Variants in SMARCC2 observed in about 807,000 individuals in gnomAD.
SMARCC2 encodes SWI/SNF related BAF chromatin remodeling complex subunit C2, also known as SWI/SNF complex subunit SMARCC2.
A neutral mutation model predicts 151.3 loss-of-function variants in SMARCC2; 15 were observed. The ratio of observed to expected loss-of-function variants is 0.10; its 90% CI spans 0.07 to 0.15. SMARCC2 has a LOEUF of 0.15. SMARCC2 is among the 10% of genes least tolerant of loss of function. The pLI is 1.00. For missense variants in SMARCC2, 1,031 were observed against 1,599.7 expected (o/e 0.64, Z 6.06); for synonymous variants, 590 against 609.5 (o/e 0.97, Z 0.47).
Position 56,178,854 on chromosome 12 carries a change from G to A in SMARCC2, c.1142-7C>T, listed in dbSNP as rs777572932. ...CTTTCATCTTCCTGTTCATCTGAAAGAGAAAAACCAAGATGTAAGGCTGGA... is the reference window on the plus strand; with the variant it reads ...CTTTCATCTTCCTGTTCATCTGAAAAAGAAAAACCAAGATGTAAGGCTGGA... On this transcript the variant is annotated splice_polypyrimidine_tract_variant and splice_region_variant and intron_variant, in intron 12 of 28. Coordinates refer to ENST00000550164, the MANE Select transcript of SMARCC2 (RefSeq NM_001330288.2). 6.2e-7 allele frequency: 1 copy of A among 1,614,016 alleles called. No homozygotes were observed. Among genetic ancestry groups the A allele is most frequent in the Non-Finnish European group, 8.5e-7 (1 of 1,179,972 alleles).
Position 56,171,211 on chromosome 12 carries a change from A to C in SMARCC2, c.2347+60T>G. The C allele has an allele frequency of 1.9e-6, 3 of 1,547,444 alleles. No individual in the cohort carries two copies. The highest frequency in any genetic ancestry group is 2.7e-6 in the Non-Finnish European group (3 of 1,122,688). On this transcript the variant is annotated intron_variant, in intron 22 of 28. Transcript: ENST00000550164. This position sits in a 1 kb window ranked among gnomAD's most constrained non-coding sequence, Gnocchi z 4.2. ...CAACTTGAGGCAGAAATGGCACAGG[A>C]GGCCAGGTAGCTCTGGATCTTGTGA...
In SMARCC2 at chr12:56,179,735, G is replaced by A. The variant is rs1875751406; in HGVS notation, c.1082-679C>T. 2.6e-5 allele frequency among the ~76,000 whole-genome samples: 4 copies of A among 152,226 alleles called. No homozygotes were observed. In the South Asian group the frequency reaches 6.2e-4, roughly 24 times the overall value. ...GGAGTCTCGCTCTGTCGCCCAGGCT[G>A]GAGTGCAGTGGTGCGATCTCGGCTC... On this transcript the variant is annotated intron_variant, in intron 11 of 28. Transcript: ENST00000550164.
At position 56,168,044 on chromosome 12, in the gene SMARCC2, G is replaced by A. The variant is rs1873180024; in HGVS notation, c.2850+16C>T. On this transcript the variant is annotated intron_variant, in intron 26 of 28. Coordinates refer to ENST00000550164, the MANE Select transcript of SMARCC2 (RefSeq NM_001330288.2). ...GAGGCACAGCGCAGCAGGGTTCCAG[G>A]GCTCCTGCTACTCACTGCTTCTCGC... The A allele has an allele frequency of 1.9e-6, 3 of 1,609,792 alleles. No individual in the cohort carries two copies. The East Asian group carries it at 6.7e-5, about 36-fold the overall frequency.
chr12:56,183,738 G>T, intron 7 of SMARCC2, 123 bp downstream of exon 7: 1 of 637,878 alleles, frequency 1.6e-6, no homozygotes, highest in African/African-American at 1.8e-5. Flanking sequence ...TACTAGGTGA[G>T]AGGAAAACAA....
chr12:56,164,707 T>G lies in SMARCC2; in HGVS notation c.3257A>C (p.Gln1086Pro). 3.1e-6 allele frequency: 5 copies of G among 1,610,820 alleles called. No individual in the cohort carries two copies. The highest frequency in any genetic ancestry group is 3.4e-6 in the Non-Finnish European group (4 of 1,178,564). Residue 1086 changes from glutamine to proline, a missense_variant, in exon 28 of 29, where the codon CAA becomes CCA. Coordinates refer to ENST00000550164, the MANE Select transcript of SMARCC2 (RefSeq NM_001330288.2). ...PHGPSPFPNQ[Q>P]TPPSMMPGAV... ...CCCTGGCATCATTGAGGGAGGAGTT[T>G]GTTGGTTGGGGAACGGTGAGGGGCC...
Position 56,184,671 on chromosome 12 carries a change from G to C in SMARCC2, c.492+173C>G, listed in dbSNP as rs1876884097. On this transcript the variant is annotated intron_variant, in intron 5 of 28. Coordinates refer to ENST00000550164, the MANE Select transcript of SMARCC2 (RefSeq NM_001330288.2). ...GCAAACCTGTCAGGACTGAAAAATG[G>C]GAGAAGCAGACAGAAAAAGACAGAC... 15 of 597,432 alleles carry C rather than the reference G, an allele frequency of 2.5e-5. No individual in the cohort carries two copies. In the East Asian group the frequency reaches 4.2e-4, roughly 17 times the overall value. 37.0% of individuals were successfully genotyped at this position (597,432 alleles called of 1,614,324 possible). A position where few individuals can be genotyped will look rare whatever the true frequency, so the allele number is the denominator to read the frequency against.
At chr12:56,165,805 G>C in intron 26 of SMARCC2, 106 bp from the exon 27 acceptor site, 1 of 1,154,196 alleles carries the variant, frequency 8.7e-7, no homozygotes, top group Non-Finnish European at 1.3e-6. Context: ...CTCTCAATCA[G>C]AAGGTTCCCA....
chr12:56,173,675 C>T, intron 17 of SMARCC2, 21 bp downstream of exon 17: 1 of 1,535,176 alleles, frequency 6.5e-7, no homozygotes, highest in Non-Finnish European at 8.9e-7. Flanking sequence ...CCCGCCCCAT[C>T]CCCATAGCAC....
Position 56,181,475 on chromosome 12 carries a change from G to A in SMARCC2, c.956+7C>T. On this transcript the variant is annotated splice_region_variant and intron_variant, in intron 10 of 28. Coordinates refer to ENST00000550164, the MANE Select transcript of SMARCC2 (RefSeq NM_001330288.2). ...TGAACACGGGGGCAGGCTAGGGGCT[G>A]GCACACCCTTTCTTAGCATTTTTCT... is the stretch of plus-strand genomic sequence containing the variant. 6.7e-7 allele frequency: 1 copy of A among 1,481,786 alleles called. No homozygotes were observed. The highest frequency in any genetic ancestry group is 9.1e-7 in the Non-Finnish European group (1 of 1,098,730). 91.8% of individuals were successfully genotyped at this position (1,481,786 alleles called of 1,614,324 possible). A position where few individuals can be genotyped will look rare whatever the true frequency, so the allele number is the denominator to read the frequency against.
intron 1 of SMARCC2, among the ~76,000 whole-genome samples, chr12:56,188,592 C>T (rs949078917): frequency 6.6e-6 from 1 of 152,166 alleles, no homozygotes; most frequent in South Asian, 2.1e-4. Flanking sequence ...ACCTTATGAT[C>T]TCCAGTTATG....
rs1872057365 is a variant in SMARCC2 at position 56,162,807 on chromosome 12, T to C, written c.*882A>G. On this transcript the variant is annotated 3_prime_UTR_variant, in exon 29 of 29. Transcript: ENST00000550164. ...AAGTGCTTTAAAAAACAATTTCAGG[T>C]TTTAAAACTTCACATCCTCTTATAG... 6.4e-6 allele frequency: 1 copy of C among 156,874 alleles called. No individual in the cohort carries two copies. Among genetic ancestry groups the C allele is most frequent in the South Asian group, 1.9e-4 (1 of 5,348 alleles). 9.7% of individuals were successfully genotyped at this position (156,874 alleles called of 1,614,324 possible). A position where few individuals can be genotyped will look rare whatever the true frequency, so the allele number is the denominator to read the frequency against.
intron 15 of SMARCC2, among the ~76,000 whole-genome samples, chr12:56,176,768 C>G (rs1490126026): frequency 1.3e-5 from 2 of 151,510 alleles, no homozygotes. Flanking sequence ...AGCCTCCAGA[C>G]TAGCTGGGAC....
chr12:56,178,652 A>C, intron 13 of SMARCC2, 118 bp from the exon 14 acceptor site: 1 of 1,494,350 alleles, frequency 6.7e-7, no homozygotes, highest in Non-Finnish European at 9.3e-7. Context: ...CTGAGCAGTC[A>C]TGGGCCCCAG....
At position 56,172,973 on chromosome 12, in the gene SMARCC2, G is replaced by T; in HGVS notation, c.1707C>A (p.Asp569Glu). The change falls in exon 18 of 29, where the codon GAC (aspartate) becomes GAA (glutamate). Residue 569 changes from aspartate (D) to glutamate (E), a missense_variant. Around this residue, in one of 12 missense-constraint regions of SMARCC2, gnomAD observed 99 missense variants for 148.3 expected, o/e 0.67. Coordinates refer to ENST00000550164, the MANE Select transcript of SMARCC2 (RefSeq NM_001330288.2). ...KAGRKGKELD[D>E]LVPETAKGKP... The stretch of plus-strand genomic sequence containing the variant: ...TGCCCTTAGCCGTCTCTGGCACCAG[G>T]TCATCCAGCTCTTTGCCCTTTCGCC... 1 of 1,613,952 alleles carries T rather than the reference G, an allele frequency of 6.2e-7. No homozygotes were observed. Among genetic ancestry groups the T allele is most frequent in the South Asian group, 1.1e-5 (1 of 91,086 alleles).
At chr12:56,177,313 T>C (rs1243712496) in intron 15 of SMARCC2, among the ~76,000 whole-genome samples, 2 of 152,196 alleles carry the variant, frequency 1.3e-5, no homozygotes, top group African/African-American at 2.4e-5. Flanking sequence ...GGTGTGATCA[T>C]GGCTCACTGC....
intron 2 of SMARCC2, chr12:56,186,705 G>A: frequency 5.4e-6 from 1 of 185,150 alleles, no homozygotes; most frequent in Non-Finnish European, 1.1e-5. Flanking sequence ...CTGGAAGAGG[G>A]GAGTGAAAGA....
rs761386646 is a variant in SMARCC2 at position 56,171,649 on chromosome 12, A to C, written c.2185+30T>G. The C allele has an allele frequency of 1.8e-5, 28 of 1,523,746 alleles. 1 individual carries two copies. Among genetic ancestry groups the C allele is most frequent in the East Asian group, 1.1e-4 (5 of 44,182 alleles). The allele number at this position is 1,523,746 out of a possible 1,614,324, so 94.4% of individuals were successfully genotyped here. ...CTAGCCCTTCAAAAGCAAACTAAGA[A>C]GGCCAGGTGGAACCACCCACCCCCA... On this transcript the variant is annotated intron_variant, in intron 21 of 28. Transcript: ENST00000550164. The surrounding 1 kb of genome is among the most constrained non-coding windows in gnomAD (Gnocchi z 4.2).
intron 25 of SMARCC2, among the ~76,000 whole-genome samples, 176 bp downstream of exon 25, chr12:56,169,353 T>A (rs1321406708): frequency 6.6e-6 from 1 of 152,222 alleles, no homozygotes; most frequent in Non-Finnish European, 1.5e-5. Context: ...CCAATGGTGA[T>A]ATATTTTTTA....
At position 56,173,859 on chromosome 12, in the gene SMARCC2, G is replaced by A. The variant is rs759365888; in HGVS notation, c.1497-10C>T. On this transcript the variant is annotated splice_polypyrimidine_tract_variant and intron_variant, in intron 16 of 28. Coordinates refer to ENST00000550164, the MANE Select transcript of SMARCC2 (RefSeq NM_001330288.2). ...TAGGAAGGCATGGACCCTGTGCAGAGAGAGGCAGAGACAGGGTCACACGGA... is the reference window on the plus strand; with the variant it reads ...TAGGAAGGCATGGACCCTGTGCAGAAAGAGGCAGAGACAGGGTCACACGGA... The A allele has an allele frequency of 1.9e-6, 3 of 1,609,896 alleles. No individual in the cohort carries two copies. The highest frequency in any genetic ancestry group is 1.3e-5 in the African/African-American group (1 of 74,808).
Sources: allele counts gnomAD v4.1 joint callset (sites outside exome capture counted in the v4.1 genomes callset), GRCh38; gene constraint gnomAD v4.1.1; regional missense constraint gnomAD v4.1.1; non-coding constraint Gnocchi (gnomAD v3.1); transcripts MANE v1.5; gene names NCBI Gene and HGNC (gene_info 2026-07-23, HGNC 2026-07-21).